Variants in SPAG6 observed in about 807,000 individuals in gnomAD.
The protein encoded by SPAG6 is sperm associated antigen 6, also known as sperm-associated antigen 6.
SPAG6 carries 49 observed loss-of-function variants against 58.5 expected under a neutral mutation model. That is an observed-to-expected ratio of 0.84 (90% CI 0.67 to 1.06). SPAG6 has a LOEUF of 1.06. Ranked by LOEUF, SPAG6 falls within the 50% of genes least tolerant of loss-of-function variation. The pLI is 0.00. For missense variants in SPAG6, 560 were observed against 611.3 expected (o/e 0.92, Z 0.89); for synonymous variants, 233 against 225.6 (o/e 1.03, Z -0.29).
chr10:22,401,649 G>A (rs1588557191), intron 9 of SPAG6, among the ~76,000 whole-genome samples: 1 of 152,154 alleles, frequency 6.6e-6, no homozygotes, highest in Non-Finnish European at 1.5e-5. Flanking sequence ...CTGAGCCACC[G>A]AAATATCTTT....
intron 3 of SPAG6, 152 bp downstream of exon 3, chr10:22,365,171 G>A (rs2132049474): frequency 1.8e-6 from 1 of 565,352 alleles, no homozygotes; most frequent in Middle Eastern, 4.9e-4. Flanking sequence ...CATATTTTCA[G>A]GGTATTTTGC....
intron 9 of SPAG6, among the ~76,000 whole-genome samples, chr10:22,405,042 A>G (rs1229014991): frequency 1.3e-5 from 2 of 152,222 alleles, no homozygotes; most frequent in African/African-American, 4.8e-5. Context: ...TTGGGCTGAG[A>G]CAATGGGGTT....
At chr10:22,375,874 G>A (rs1331470033) in intron 4 of SPAG6, among the ~76,000 whole-genome samples, 4 of 152,080 alleles carry the variant, frequency 2.6e-5, no homozygotes, top group Non-Finnish European at 5.9e-5. Flanking sequence ...ATTGTGCCCG[G>A]CCACCTCAAA....
chr10:22,388,034 T>G, intron 6 of SPAG6, 38 bp downstream of exon 6: 1 of 1,513,446 alleles, frequency 6.6e-7, no homozygotes, highest in South Asian at 1.2e-5. Flanking sequence ...TATGTAGTAG[T>G]TAGTTTTAGT....
chr10:22,406,302 G>A (rs1442980180), intron 9 of SPAG6, among the ~76,000 whole-genome samples: 4 of 151,956 alleles, frequency 2.6e-5, no homozygotes, highest in African/African-American at 4.8e-5. Flanking sequence ...TCTACACACT[G>A]CTTTGAATGC....
intron 10 of SPAG6, among the ~76,000 whole-genome samples, chr10:22,415,251 GTAAAT>G (rs1383867258): frequency 1.3e-5 from 2 of 150,006 alleles, no homozygotes; most frequent in African/African-American, 4.9e-5. Flanking sequence ...TGTTAATATG[GTAAAT>G]TAAATATTTA....
intron 9 of SPAG6, among the ~76,000 whole-genome samples, chr10:22,409,542 A>T (rs1009535787): frequency 6.6e-6 from 1 of 152,358 alleles, no homozygotes; most frequent in East Asian, 1.9e-4. Flanking sequence ...AAACATTTCA[A>T]TGTACTAGAC....
chr10:22,402,687 A>C (rs766660760), intron 9 of SPAG6, among the ~76,000 whole-genome samples: 2 of 152,254 alleles, frequency 1.3e-5, no homozygotes. Context: ...TGTGAGGAAT[A>C]TAATGGCATG....
intron 10 of SPAG6, among the ~76,000 whole-genome samples, chr10:22,413,324 G>A (rs535111874): frequency 1.8e-4 from 28 of 152,150 alleles, no homozygotes; most frequent in Non-Finnish European, 3.8e-4. Flanking sequence ...ACGAGGTCAG[G>A]AGATCGAGAC....
chr10:22,384,718 C>G (rs190255287), intron 4 of SPAG6, among the ~76,000 whole-genome samples: 1 of 152,122 alleles, frequency 6.6e-6, no homozygotes, highest in Non-Finnish European at 1.5e-5. Flanking sequence ...CTGCCATCCC[C>G]GGCCTTCCCC....
At chr10:22,367,753 C>T (rs1837237451) in intron 3 of SPAG6, among the ~76,000 whole-genome samples, 1 of 151,956 alleles carries the variant, frequency 6.6e-6, no homozygotes, top group Non-Finnish European at 1.5e-5. Context: ...GTTTCAGTTT[C>T]ATTTACTCAT....
At chr10:22,409,084 C>G (rs1291279921) in intron 9 of SPAG6, among the ~76,000 whole-genome samples, 1 of 152,190 alleles carries the variant, frequency 6.6e-6, no homozygotes, top group Non-Finnish European at 1.5e-5. Flanking sequence ...ATCACCCGTC[C>G]TCTTCATGGC....
At chr10:22,415,213 A>G (rs550139254) in intron 10 of SPAG6, among the ~76,000 whole-genome samples, 1 of 151,186 alleles carries the variant, frequency 6.6e-6, no homozygotes, top group East Asian at 1.9e-4. Context: ...TAAGAATACT[A>G]TATTATTAAA....
chr10:22,405,561 G>A (rs1447620003), intron 9 of SPAG6, among the ~76,000 whole-genome samples: 29 of 150,026 alleles, frequency 1.9e-4, no homozygotes, highest in African/African-American at 7.2e-4. Flanking sequence ...GAGGATTTTT[G>A]CATCAATGTT....
chr10:22,384,286 G>A (rs557540944), intron 4 of SPAG6, among the ~76,000 whole-genome samples: 54 of 152,196 alleles, frequency 3.5e-4, no homozygotes, highest in Non-Finnish European at 7.5e-4. Context: ...AGCTTTCACA[G>A]TTGCTTCCAG....
At position 22,417,015 on chromosome 10, in the gene SPAG6, G is replaced by A; in HGVS notation, c.*327G>A. ...CTCCAATGAGATATAGTTAAGAGAT[G>A]GCATTCAAAAACCCTAAATTATTCT... On this transcript the variant is annotated 3_prime_UTR_variant, in exon 11 of 11. Coordinates refer to ENST00000376624, the MANE Select transcript of SPAG6 (RefSeq NM_012443.4). 5.4e-6 allele frequency: 1 copy of A among 186,046 alleles called. No individual in the cohort carries two copies. The highest frequency in any genetic ancestry group is 1.1e-5 in the Non-Finnish European group (1 of 88,242). 11.5% of individuals were successfully genotyped at this position (186,046 alleles called of 1,614,324 possible). A position where few individuals can be genotyped will look rare whatever the true frequency, so the allele number is the denominator to read the frequency against.
chr10:22,412,615 G>C (rs11813246), intron 10 of SPAG6: 1 of 644,938 alleles, frequency 1.6e-6, no homozygotes, highest in Non-Finnish European at 2.5e-6. Flanking sequence ...TCTGTCTCCA[G>C]GCTGGAGTGC....
chr10:22,386,221 GCTTT>G (rs1330107410), intron 4 of SPAG6, among the ~76,000 whole-genome samples: 2 of 152,042 alleles, frequency 1.3e-5, no homozygotes, highest in Non-Finnish European at 2.9e-5. Flanking sequence ...TGAAAAGGCA[GCTTT>G]CTATTTTGTA....
intron 2 of SPAG6, among the ~76,000 whole-genome samples, chr10:22,356,236 A>C (rs1380734886): frequency 1.3e-5 from 2 of 152,236 alleles, no homozygotes; most frequent in Admixed American, 6.5e-5. Context: ...ACATTTATTC[A>C]CACAAACTAG....
Sources: gnomAD v4.1 joint callset for allele counts (sites outside exome capture counted in the v4.1 genomes callset) on GRCh38, gnomAD v4.1.1 for gene constraint, MANE v1.5 for transcripts, NCBI Gene and HGNC (gene_info 2026-07-23, HGNC 2026-07-21) for gene names.